ARHGAP26: variants seen among roughly 807,000 people sequenced by gnomAD.
ARHGAP26 encodes the protein rho GTPase-activating protein 26.
A neutral mutation model predicts 104.8 loss-of-function variants in ARHGAP26; 38 were observed. The ratio of observed to expected loss-of-function variants is 0.36; its 90% CI spans 0.28 to 0.48. ARHGAP26 has a LOEUF of 0.48. Among genes scored for constraint, ARHGAP26 ranks in the 20% least tolerant of loss-of-function variants. ARHGAP26 has a pLI of 0.99. For synonymous variants in ARHGAP26, 341 were observed against 340.0 expected (o/e 1.00, Z -0.03); for missense variants, 704 against 947.9 (o/e 0.74, Z 3.38).
In ARHGAP26 at chr5:142,879,386, AGCGAGGT is replaced by A; in HGVS notation, c.328_334del (p.Glu110SerfsTer34). On this transcript the variant is annotated frameshift_variant, in exon 4 of 23. Coordinates refer to ENST00000645722, the MANE Select transcript of ARHGAP26 (RefSeq NM_001135608.3). LOFTEE classifies it high-confidence loss of function. Reference sequence around the variant, plus strand: ...TGTTCTTCACCAGATTGAGAATGCCAGCGAGGTGCTCATCACTCCCTTGGAGAAGTTT... The same window carrying A: ...TGTTCTTCACCAGATTGAGAATGCCAGCTCATCACTCCCTTGGAGAAGTTT... 6.2e-7 allele frequency: 1 copy of A among 1,614,172 alleles called. No individual in the cohort carries two copies. Among genetic ancestry groups the A allele is most frequent in the Non-Finnish European group, 8.5e-7 (1 of 1,180,014 alleles).
chr5:143,132,775 A>C (rs533031592), intron 18 of ARHGAP26, among the ~76,000 whole-genome samples: 8 of 152,012 alleles, frequency 5.3e-5, no homozygotes, highest in African/African-American at 1.9e-4. Context: ...CATAGTGCCT[A>C]CTATAAAAGA....
intron 20 of ARHGAP26, among the ~76,000 whole-genome samples, chr5:143,182,408 TCTC>T (rs1489684024): frequency 1.1e-4 from 16 of 152,282 alleles, no homozygotes; most frequent in African/African-American, 3.6e-4. Flanking sequence ...CTCGTTTGTC[TCTC>T]CTCATGACAC....
intron 1 of ARHGAP26, among the ~76,000 whole-genome samples, chr5:142,826,463 G>A (rs994890195): frequency 2.0e-5 from 3 of 152,232 alleles, no homozygotes; most frequent in African/African-American, 7.2e-5. Context: ...TAAGTTGCCC[G>A]GTTCATTCAA....
At chr5:143,070,229 A>G (rs1305971075) in intron 17 of ARHGAP26, among the ~76,000 whole-genome samples, 3 of 152,194 alleles carry the variant, frequency 2.0e-5, no homozygotes, top group Admixed American at 2.0e-4. Context: ...TCCCTTCATA[A>G]TAGAACTGCC....
Position 143,012,577 on chromosome 5 carries a change from T to TATATATATATATATATATATATATATA in ARHGAP26, c.1108-1501_1108-1500insATATATATATATATATATATATATAAT, listed in dbSNP as rs1554195775. Among the ~76,000 whole-genome samples the TATATATATATATATATATATATATATA allele has an allele frequency of 1.9e-3, 37 of 19,086 alleles. 2 individuals carry two copies. The highest frequency in any genetic ancestry group is 3.5e-3 in the African/African-American group (33 of 9,372). The allele number at this position is 19,086 out of a possible 152,430, so 12.5% of individuals were successfully genotyped here. On this transcript the variant is annotated intron_variant, in intron 11 of 22. Transcript: ENST00000645722. ...CATATATATATATATATATATATATTATGATCAGGTTCACCTTATGCCTTT... is the reference window on the plus strand; with the variant it reads ...CATATATATATATATATATATATATTATATATATATATATATATATATATATAATGATCAGGTTCACCTTATGCCTTT...
intron 11 of ARHGAP26, among the ~76,000 whole-genome samples, chr5:142,959,085 A>G (rs1769770354): frequency 6.6e-6 from 1 of 152,176 alleles, no homozygotes; most frequent in Non-Finnish European, 1.5e-5. Flanking sequence ...AGGCCCAGAG[A>G]AAGAAAATTC....
At chr5:142,898,253 T>C (rs1347328405) in intron 6 of ARHGAP26, among the ~76,000 whole-genome samples, 1 of 152,110 alleles carries the variant, frequency 6.6e-6, no homozygotes, top group African/African-American at 2.4e-5. Context: ...TATATGTATG[T>C]ATATATTTGC....
chr5:142,936,005 G>A lies in ARHGAP26; in HGVS notation c.1107+3880G>A, dbSNP rs141082130. On this transcript the variant is annotated intron_variant, in intron 11 of 22. Transcript: ENST00000645722. The stretch of plus-strand genomic sequence containing the variant: ...AGGACTGGAAGTCCTAGTCAGTGCA[G>A]TAGGGCAAGAAATTAATATAACAGG... 1.5e-3 allele frequency among the ~76,000 whole-genome samples: 229 copies of A among 152,010 alleles called. 1 individual carries two copies. Among genetic ancestry groups the A allele is most frequent in the African/African-American group, 5.3e-3 (220 of 41,450 alleles).
chr5:142,852,174 C>T (rs927644200), intron 1 of ARHGAP26, among the ~76,000 whole-genome samples: 2 of 152,174 alleles, frequency 1.3e-5, no homozygotes, highest in Admixed American at 1.3e-4. Flanking sequence ...ATGCAGCCGC[C>T]GGCAAAGCAT....
intron 11 of ARHGAP26, among the ~76,000 whole-genome samples, chr5:142,954,176 A>G (rs972709438): frequency 6.6e-6 from 1 of 152,102 alleles, no homozygotes; most frequent in Admixed American, 6.5e-5. Flanking sequence ...AATCATCAAG[A>G]TCTGTTTATC....
chr5:142,856,768 A>G (rs1004792323), intron 1 of ARHGAP26, among the ~76,000 whole-genome samples: 1 of 152,214 alleles, frequency 6.6e-6, no homozygotes, highest in African/African-American at 2.4e-5. Context: ...TTTAAAGTAT[A>G]CAGAAGGATG....
intron 17 of ARHGAP26, among the ~76,000 whole-genome samples, chr5:143,080,940 G>A (rs546536999): frequency 6.0e-4 from 92 of 152,204 alleles, no homozygotes; most frequent in Admixed American, 9.8e-4. Flanking sequence ...GCTGAACAGT[G>A]GGCACATTTG....
chr5:142,900,212 G>T (rs181876515), intron 6 of ARHGAP26, among the ~76,000 whole-genome samples: 6 of 152,272 alleles, frequency 3.9e-5, no homozygotes, highest in Admixed American at 3.3e-4. Context: ...AAAGGTATGG[G>T]TCTTCCTCTC....
chr5:143,036,094 A>C (rs1182265662), intron 12 of ARHGAP26, among the ~76,000 whole-genome samples: 1 of 152,198 alleles, frequency 6.6e-6, no homozygotes, highest in African/African-American at 2.4e-5. Flanking sequence ...GATTAGATCC[A>C]AGGTGAGTTC....
intron 1 of ARHGAP26, among the ~76,000 whole-genome samples, chr5:142,826,473 A>G (rs1165971268): frequency 1.3e-5 from 2 of 152,278 alleles, no homozygotes; most frequent in Admixed American, 6.5e-5. Flanking sequence ...GGTTCATTCA[A>G]TTATTGGATA....
Position 142,870,950 on chromosome 5 carries a change from A to G in ARHGAP26, c.155-2450A>G, listed in dbSNP as rs572085936. On this transcript the variant is annotated intron_variant, in intron 1 of 22. Coordinates refer to ENST00000645722, the MANE Select transcript of ARHGAP26 (RefSeq NM_001135608.3). The stretch of plus-strand genomic sequence containing the variant: ...TCTGGGGAATGGATTCCAAACAAGT[A>G]AAAGGACAGGTGTCCACTTTAGCTG... Among the ~76,000 whole-genome samples the G allele has an allele frequency of 9.2e-5, 14 of 152,348 alleles. No homozygotes were observed. In the East Asian group the frequency reaches 2.3e-3, roughly 25 times the overall value.
intron 11 of ARHGAP26, among the ~76,000 whole-genome samples, chr5:142,970,717 A>G (rs1378612769): frequency 6.6e-6 from 1 of 152,204 alleles, no homozygotes; most frequent in Non-Finnish European, 1.5e-5. Context: ...GGGAGAATCA[A>G]GGTGTTGTTA....
chr5:143,024,084 G>A (rs1351971354), intron 12 of ARHGAP26, among the ~76,000 whole-genome samples: 1 of 152,216 alleles, frequency 6.6e-6, no homozygotes, highest in African/African-American at 2.4e-5. Context: ...ACATTTAGTT[G>A]AGCTGTAATA....
At chr5:143,190,027 AGGGG>A (rs10597676) in intron 20 of ARHGAP26, among the ~76,000 whole-genome samples, 33,005 of 145,336 alleles carry the variant, frequency 0.23, 4,556 homozygotes, top group African/African-American at 0.4. Flanking sequence ...GGACAGAAGG[AGGGG>A]GGGGAAAAAA....
Sources: gnomAD v4.1 joint callset for allele counts (sites outside exome capture counted in the v4.1 genomes callset) on GRCh38, gnomAD v4.1.1 for gene constraint, MANE v1.5 for transcripts, NCBI Gene and HGNC (gene_info 2026-07-23, HGNC 2026-07-21) for gene names.